Variants in PPP4R2 observed in about 807,000 individuals in gnomAD.
The protein encoded by PPP4R2 is protein phosphatase 4 regulatory subunit 2, also known as serine/threonine-protein phosphatase 4 regulatory subunit 2.
PPP4R2 carries 13 observed loss-of-function variants against 47.2 expected under a neutral mutation model. The observed-to-expected ratio is 0.28, with a 90% CI of 0.18 to 0.44. PPP4R2 has a LOEUF of 0.44. PPP4R2 is among the 20% of genes least tolerant of loss of function. The probability of loss-of-function intolerance (pLI) is 1.00; values close to 1 mark genes in which losing one functional copy is unlikely to be tolerated. For synonymous variants in PPP4R2, 151 were observed against 163.3 expected (o/e 0.92, Z 0.57); for missense variants, 421 against 491.2 (o/e 0.86, Z 1.35).
intron 5 of PPP4R2, chr3:73,063,002 C>T: frequency 9.4e-7 from 1 of 1,058,896 alleles, no homozygotes; most frequent in Non-Finnish European, 1.4e-6. Flanking sequence ...TGTCTGAGAT[C>T]CCAGTCTTTG....
chr3:73,066,467 C>G lies in PPP4R2; in HGVS notation c.*745C>G, dbSNP rs1702999377. ...CCAGGTTAAACACATTCCAAGAGAT[C>G]TGTTCAAACTCAAATTCTTTTGTAT... is the stretch of plus-strand genomic sequence containing the variant. On this transcript the variant is annotated 3_prime_UTR_variant, in exon 9 of 9. Transcript: ENST00000356692. 1 of 151,920 alleles carries G rather than the reference C, an allele frequency of 6.6e-6. No individual in the cohort carries two copies. The highest frequency in any genetic ancestry group is 2.4e-5 in the African/African-American group (1 of 41,406). 9.4% of individuals were successfully genotyped at this position (151,920 alleles called of 1,614,324 possible). A position where few individuals can be genotyped will look rare whatever the true frequency, so the allele number is the denominator to read the frequency against.
At chr3:73,008,830 CTGAT>C (rs1042696369) in intron 2 of PPP4R2, among the ~76,000 whole-genome samples, 33 of 152,262 alleles carry the variant, frequency 2.2e-4, no homozygotes, top group Admixed American at 1.7e-3. Context: ...GGAATGAACT[CTGAT>C]TGGACAGTCA....
At position 73,065,080 on chromosome 3, in the gene PPP4R2, C is replaced by T. The variant is rs767777836; in HGVS notation, c.867C>T (p.Ser289=). The part of the protein sequence containing the change: ...SSSSQDKDKD[S]RCTRQHCTEE... ...CATCTCAGGATAAAGACAAAGATAG[C>T]CGTTGTACCCGGCAGCACTGTACAG... Residue 289 remains serine, a synonymous_variant, in exon 8 of 9, where the codon AGC becomes AGT. Coordinates refer to ENST00000356692, the MANE Select transcript of PPP4R2 (RefSeq NM_174907.4). 6.2e-7 allele frequency: 1 copy of T among 1,613,888 alleles called. No individual in the cohort carries two copies. Among genetic ancestry groups the T allele is most frequent in the South Asian group, 1.1e-5 (1 of 91,066 alleles).
intron 4 of PPP4R2, 25 bp from the exon 5 acceptor site, chr3:73,060,997 TA>T: frequency 6.6e-7 from 1 of 1,522,280 alleles, no homozygotes; most frequent in Non-Finnish European, 8.9e-7. Flanking sequence ...TTCTTCATAC[TA>T]AATCACTGAT....
chr3:73,014,608 C>T (rs1701786423), intron 2 of PPP4R2, among the ~76,000 whole-genome samples: 1 of 152,102 alleles, frequency 6.6e-6, no homozygotes, highest in African/African-American at 2.4e-5. Context: ...CATTATTAGG[C>T]TTTTAAATCT....
chr3:73,012,633 G>A (rs780000747), intron 2 of PPP4R2, among the ~76,000 whole-genome samples: 15 of 152,112 alleles, frequency 9.9e-5, no homozygotes, highest in Admixed American at 3.9e-4. Context: ...GAGGTTGGTT[G>A]GATTCGCGAA....
chr3:73,043,161 T>A (rs1259460604), intron 2 of PPP4R2, among the ~76,000 whole-genome samples: 7 of 152,196 alleles, frequency 4.6e-5, no homozygotes, highest in Non-Finnish European at 1.0e-4. Context: ...ATAAGCGTCC[T>A]ATTTCAGTAT....
chr3:73,024,552 A>C (rs4677231), intron 2 of PPP4R2, among the ~76,000 whole-genome samples: 59,640 of 151,970 alleles, frequency 0.39, 12,195 homozygotes, highest in African/African-American at 0.47. Flanking sequence ...GAATTAATTT[A>C]GTAGTCTCAC....
chr3:73,055,454 G>A (rs1447985183), intron 3 of PPP4R2, among the ~76,000 whole-genome samples: 1 of 133,974 alleles, frequency 7.5e-6, no homozygotes, highest in Non-Finnish European at 1.7e-5. Context: ...GTGTGTGTGT[G>A]TATTAAAATA....
intron 2 of PPP4R2, among the ~76,000 whole-genome samples, chr3:73,043,007 C>T (rs775900685): frequency 4.6e-5 from 7 of 151,768 alleles, no homozygotes; most frequent in East Asian, 1.9e-4. Flanking sequence ...TTTTTTGGAC[C>T]GCAAACATGT....
At chr3:73,062,155 AC>A in intron 5 of PPP4R2, 1 of 1,548,004 alleles carries the variant, frequency 6.5e-7, no homozygotes, top group Non-Finnish European at 8.7e-7. Flanking sequence ...GACAGATCTT[AC>A]AAAAGATCTT....
At chr3:73,058,570 GAT>G (rs1315215369) in intron 3 of PPP4R2, among the ~76,000 whole-genome samples, 1 of 151,812 alleles carries the variant, frequency 6.6e-6, no homozygotes, top group Admixed American at 6.6e-5. Flanking sequence ...GGGTACATGA[GAT>G]ATTTTGATAG....
intron 2 of PPP4R2, among the ~76,000 whole-genome samples, chr3:73,022,116 C>T (rs1211848416): frequency 6.6e-6 from 1 of 151,716 alleles, no homozygotes; most frequent in African/African-American, 2.4e-5. Context: ...AGGCTGGTCT[C>T]GAACTCCTGA....
At chr3:73,043,494 T>C (rs1702422714) in intron 2 of PPP4R2, among the ~76,000 whole-genome samples, 1 of 152,190 alleles carries the variant, frequency 6.6e-6, no homozygotes, top group African/African-American at 2.4e-5. Flanking sequence ...AAATCTGCAT[T>C]TACCTTTCTG....
intron 2 of PPP4R2, among the ~76,000 whole-genome samples, chr3:73,030,612 A>ATTT (rs57682305): frequency 6.3e-5 from 9 of 143,022 alleles, no homozygotes; most frequent in Non-Finnish European, 9.3e-5. Flanking sequence ...GATTACGTTG[A>ATTT]TTTTTTTTTT....
intron 2 of PPP4R2, among the ~76,000 whole-genome samples, chr3:73,012,043 G>T (rs957066695): frequency 2.6e-5 from 4 of 152,174 alleles, no homozygotes; most frequent in African/African-American, 9.7e-5. Flanking sequence ...TAATGGCAAA[G>T]TACGGTTGTC....
intron 2 of PPP4R2, among the ~76,000 whole-genome samples, chr3:73,024,354 T>C (rs1210605828): frequency 1.3e-5 from 2 of 152,200 alleles, no homozygotes; most frequent in African/African-American, 4.8e-5. Flanking sequence ...TTATTGGTAG[T>C]GATCTGTCTT....
Position 73,018,220 on chromosome 3 carries a change from A to C in PPP4R2, c.116+20062A>C, listed in dbSNP as rs1383852699. Among the ~76,000 whole-genome samples, 5 of 152,234 alleles carry C rather than the reference A, an allele frequency of 3.3e-5. No individual in the cohort carries two copies. In the East Asian group the frequency reaches 9.7e-4, roughly 29 times the overall value. ...AGGTTTCAACTGTGGGGGTCAACTT[A>C]AACATAGATTGAAAGTACAATATTT... is the stretch of plus-strand genomic sequence containing the variant. On this transcript the variant is annotated intron_variant, in intron 2 of 8. Coordinates refer to ENST00000356692, the MANE Select transcript of PPP4R2 (RefSeq NM_174907.4).
At chr3:73,037,019 T>G (rs1702276788) in intron 2 of PPP4R2, among the ~76,000 whole-genome samples, 1 of 152,210 alleles carries the variant, frequency 6.6e-6, no homozygotes, top group Non-Finnish European at 1.5e-5. Flanking sequence ...CTTTAATCAT[T>G]TACATATGTC....
Sources: gnomAD v4.1 joint callset for allele counts (sites outside exome capture counted in the v4.1 genomes callset) on GRCh38, gnomAD v4.1.1 for gene constraint, MANE v1.5 for transcripts, NCBI Gene and HGNC (gene_info 2026-07-23, HGNC 2026-07-21) for gene names.